Variants in PPHLN1 observed in about 807,000 individuals in gnomAD.
PPHLN1 encodes the protein periphilin-1.
In PPHLN1, 29 loss-of-function variants were observed where a neutral mutation model predicts 51.3. The observed-to-expected ratio is 0.57, with a 90% confidence interval of 0.42 to 0.77. PPHLN1 has a LOEUF of 0.77. Among genes scored for constraint, PPHLN1 ranks in the 30% least tolerant of loss-of-function variants. The probability of loss-of-function intolerance (pLI) is 0.00; values close to 1 mark genes in which losing one functional copy is unlikely to be tolerated. For synonymous variants in PPHLN1, 147 were observed against 147.8 expected (o/e 0.99, Z 0.04); for missense variants, 436 against 438.4 (o/e 0.99, Z 0.05).
rs2082099799 is a variant in PPHLN1, at chr12:42,432,227, G to A, written c.910-9088G>A. 6 of 788,380 alleles carry A rather than the reference G, an allele frequency of 7.6e-6. No individual in the cohort carries two copies. The South Asian group carries it at 8.1e-5, about 11-fold the overall frequency. The allele number at this position is 788,380 out of a possible 1,614,324, so 48.8% of individuals were successfully genotyped here. On this transcript the variant is annotated intron_variant, in intron 9 of 9. Transcript: ENST00000358314. ...TATTTCAGAGGGGTTAGACAGCTTA[G>A]AATTTGTACCATAACTGGAGGTGTA...
At chr12:42,411,288 C>T (rs1430185164) in intron 9 of PPHLN1, among the ~76,000 whole-genome samples, 1 of 151,824 alleles carries the variant, frequency 6.6e-6, no homozygotes, top group Non-Finnish European at 1.5e-5. Context: ...GTACAAGTGG[C>T]TTTTAGTTAT....
rs2079031504 is a variant in PPHLN1 at position 42,403,634 on chromosome 12, A to C, written c.909+4640A>C. On this transcript the variant is annotated intron_variant, in intron 9 of 9. Coordinates refer to ENST00000358314, the MANE Select transcript of PPHLN1 (RefSeq NM_201439.2). ...TGTTAAGATGTTATATTTACATCAA[A>C]TATAAAATCTAGATAGTACAGATAC... 2.0e-5 allele frequency among the ~76,000 whole-genome samples: 3 copies of C among 152,226 alleles called. No homozygotes were observed. The South Asian group carries it at 6.2e-4, about 31-fold the overall frequency.
chr12:42,435,737 TCCTTTAAAAGTTGTAAG>T (rs1404574348), intron 9 of PPHLN1, among the ~76,000 whole-genome samples: 9 of 152,176 alleles, frequency 5.9e-5, no homozygotes, highest in African/African-American at 2.2e-4. Context: ...TTCACAATGC[TCCTTTAAAAGTTGTAAG>T]CTTTTATTTT....
At chr12:42,439,744 C>G (rs1478397647) in intron 9 of PPHLN1, among the ~76,000 whole-genome samples, 1 of 152,212 alleles carries the variant, frequency 6.6e-6, no homozygotes, top group Non-Finnish European at 1.5e-5. Context: ...AGGCTGGTCT[C>G]AAACTCCTGA....
intron 9 of PPHLN1, among the ~76,000 whole-genome samples, chr12:42,406,086 G>T (rs1026241003): frequency 1.0e-3 from 139 of 135,214 alleles, no homozygotes; most frequent in East Asian, 8.8e-3. Flanking sequence ...GTTTAGTCTG[G>T]TTTTTTTTTT....
intron 4 of PPHLN1, among the ~76,000 whole-genome samples, chr12:42,371,457 C>T (rs548104736): frequency 6.6e-6 from 1 of 152,300 alleles, no homozygotes; most frequent in African/African-American, 2.4e-5. Flanking sequence ...TCGAGACTTG[C>T]AGTGTTTGAT....
chr12:42,417,431 A>C (rs1273947326), intron 9 of PPHLN1, among the ~76,000 whole-genome samples: 1 of 152,038 alleles, frequency 6.6e-6, no homozygotes, highest in African/African-American at 2.4e-5. Context: ...GAGGAGGGGG[A>C]GTCCTATCAG....
At chr12:42,327,437 A>G (rs563050041) in intron 1 of PPHLN1, among the ~76,000 whole-genome samples, 2 of 152,326 alleles carry the variant, frequency 1.3e-5, no homozygotes, top group African/African-American at 4.8e-5. Context: ...ACGGATTTCA[A>G]TTCCTCAGAA....
At chr12:42,375,320 T>TTG (rs1453600738) in intron 5 of PPHLN1, 13 of 308,418 alleles carry the variant, frequency 4.2e-5, no homozygotes, top group Admixed American at 3.7e-4. Context: ...AAAAGGTTTT[T>TTG]TTTTTTTTTT....
At chr12:42,375,362 A>G (rs1592524909) in intron 5 of PPHLN1, 2 of 193,684 alleles carry the variant, frequency 1.0e-5, no homozygotes, top group African/African-American at 2.9e-5. Context: ...CCCAGGCTGG[A>G]GTGTAGTGGC....
intron 9 of PPHLN1, among the ~76,000 whole-genome samples, chr12:42,420,508 G>T (rs187601743): frequency 1.3e-5 from 2 of 148,722 alleles, no homozygotes; most frequent in East Asian, 2.0e-4. Context: ...TCACTTTCTT[G>T]CGCAGGCTAG....
At chr12:42,344,475 C>T (rs866583053) in intron 2 of PPHLN1, among the ~76,000 whole-genome samples, 14 of 152,102 alleles carry the variant, frequency 9.2e-5, no homozygotes, top group Middle Eastern at 3.2e-3. Context: ...ACCATGATAT[C>T]ACACTTAAAA....
intron 2 of PPHLN1, among the ~76,000 whole-genome samples, chr12:42,347,858 T>C (rs983700937): frequency 1.3e-5 from 2 of 152,180 alleles, no homozygotes; most frequent in Non-Finnish European, 2.9e-5. Context: ...TTGAATGATA[T>C]ACCTGGATAA....
downstream of PPHLN1, chr12:42,446,229 C>T: frequency 6.2e-7 from 1 of 1,612,380 alleles, no homozygotes; most frequent in Non-Finnish European, 8.5e-7. Flanking sequence ...ACACAGACAC[C>T]ATTCACTCCA....
intron 9 of PPHLN1, among the ~76,000 whole-genome samples, chr12:42,428,615 G>A (rs1420928318): frequency 3.9e-5 from 6 of 151,994 alleles, no homozygotes; most frequent in Non-Finnish European, 7.4e-5. Flanking sequence ...GAGACTCAGG[G>A]GAAAAGAGTG....
At chr12:42,418,389 G>A (rs1458779684) in intron 9 of PPHLN1, among the ~76,000 whole-genome samples, 5 of 151,376 alleles carry the variant, frequency 3.3e-5, no homozygotes, top group East Asian at 1.9e-4. Flanking sequence ...TTTTCCTGAC[G>A]TGTAAACGTG....
At chr12:42,383,230 G>A (rs955973981) in intron 5 of PPHLN1, among the ~76,000 whole-genome samples, 1 of 152,194 alleles carries the variant, frequency 6.6e-6, no homozygotes, top group African/African-American at 2.4e-5. Flanking sequence ...AAAAAGATAA[G>A]ATTTGTAGCA....
At chr12:42,371,259 A>T (rs553599309) in intron 4 of PPHLN1, among the ~76,000 whole-genome samples, 2 of 151,874 alleles carry the variant, frequency 1.3e-5, no homozygotes, top group East Asian at 3.9e-4. Context: ...AGCTGGGAGT[A>T]CCAGTGGGTG....
At chr12:42,341,811 C>T (rs1410003654) in intron 2 of PPHLN1, among the ~76,000 whole-genome samples, 2 of 152,006 alleles carry the variant, frequency 1.3e-5, no homozygotes, top group African/African-American at 2.4e-5. Flanking sequence ...TTGGTAGAGA[C>T]GGGGTTTCAC....
Sources: allele counts gnomAD v4.1 joint callset (sites outside exome capture counted in the v4.1 genomes callset), GRCh38; gene constraint gnomAD v4.1.1; transcripts MANE v1.5; gene names NCBI Gene and HGNC (gene_info 2026-07-23, HGNC 2026-07-21).